The following PPP1R8 variants were observed in gnomAD, a reference collection of about 807,000 sequenced individuals.
The protein encoded by PPP1R8 is protein phosphatase 1 regulatory subunit 8.
Under a neutral mutation model 31.3 loss-of-function variants are expected in PPP1R8, and 4 were observed. That is an observed-to-expected ratio of 0.13 (90% confidence interval 0.06 to 0.29). PPP1R8 has a LOEUF of 0.29. Among genes scored for constraint, PPP1R8 ranks in the 10% least tolerant of loss-of-function variants. The pLI, the probability that PPP1R8 is intolerant of heterozygous loss-of-function variation, is 1.00. For synonymous variants in PPP1R8, 170 were observed against 169.7 expected, an observed-to-expected ratio of 1.00 and a Z score of -0.01; for missense variants, 254 against 440.1, an observed-to-expected ratio of 0.58 and a Z score of 3.78.
chr1:27,841,261 T>C (rs2148617496), intron 4 of PPP1R8, 27 bp downstream of exon 4: 1 of 1,611,294 alleles, frequency 6.2e-7, no homozygotes, highest in East Asian at 2.2e-5. Flanking sequence ...GTCATTGTTT[T>C]GTCTTTGGGG....
chr1:27,837,310 A>G (rs1196205127), intron 2 of PPP1R8, among the ~76,000 whole-genome samples: 1 of 151,708 alleles, frequency 6.6e-6, no homozygotes, highest in Non-Finnish European at 1.5e-5. Flanking sequence ...ACACGCCTGT[A>G]GTCCCAGCTA....
At chr1:27,838,633 G>T in intron 2 of PPP1R8, 66 bp from the exon 3 acceptor site, 1 of 1,073,920 alleles carries the variant, frequency 9.3e-7, no homozygotes, top group South Asian at 2.5e-5. Context: ...TTCTCTATTT[G>T]GGAGAGTTTT....
In PPP1R8 at chr1:27,843,384, C is replaced by T. The variant is rs190839450; in HGVS notation, c.637+54C>T. 1.7e-5 allele frequency: 27 copies of T among 1,606,222 alleles called. No individual in the cohort carries two copies. The Admixed American group carries it at 2.8e-4, about 17-fold the overall frequency. On this transcript the variant is annotated intron_variant, in intron 5 of 6. Coordinates refer to ENST00000311772, the MANE Select transcript of PPP1R8 (RefSeq NM_014110.5). ...GAAAAAGCTGTGGTTGGCCCGGGCGCGGTGGCTCACGCCTGTAGTCCTAGC... is the reference window on the plus strand; with the variant it reads ...GAAAAAGCTGTGGTTGGCCCGGGCGTGGTGGCTCACGCCTGTAGTCCTAGC...
At chr1:27,840,215 G>A (rs1204225341) in intron 3 of PPP1R8, among the ~76,000 whole-genome samples, 2 of 152,060 alleles carry the variant, frequency 1.3e-5, no homozygotes, top group South Asian at 2.1e-4. Context: ...CATTTTGCCC[G>A]TGTGTGAATA....
At chr1:27,848,254 A>G (rs899226220) in intron 6 of PPP1R8, among the ~76,000 whole-genome samples, 13 of 152,112 alleles carry the variant, frequency 8.5e-5, no homozygotes, top group Non-Finnish European at 1.0e-4. Context: ...TACAAAAAAA[A>G]ATTAGTTGGG....
chr1:27,836,248 C>A (rs1314221905), intron 2 of PPP1R8, among the ~76,000 whole-genome samples: 3 of 152,196 alleles, frequency 2.0e-5, no homozygotes, highest in Non-Finnish European at 2.9e-5. Flanking sequence ...CAAGTGCTCC[C>A]ACTGGATTAC....
At chr1:27,845,186 C>T (rs141780397) in intron 5 of PPP1R8, among the ~76,000 whole-genome samples, 6,607 of 147,692 alleles carry the variant, frequency 0.045, 528 homozygotes, top group African/African-American at 0.16. Context: ...ATCAGGAGAT[C>T]AAGACCATGC....
intron 6 of PPP1R8, among the ~76,000 whole-genome samples, chr1:27,848,812 CTTGTCA>C (rs1479953566): frequency 2.0e-5 from 3 of 152,056 alleles, no homozygotes; most frequent in Admixed American, 6.6e-5. Context: ...GGAATGTTTT[CTTGTCA>C]TTAAAGTACA....
intron 5 of PPP1R8, among the ~76,000 whole-genome samples, chr1:27,845,664 T>C (rs768374373): frequency 2.6e-5 from 4 of 151,974 alleles, no homozygotes; most frequent in Non-Finnish European, 5.9e-5. Context: ...GATCCTAATA[T>C]GTGAAAAAAT....
chr1:27,844,573 G>C (rs1322052644), intron 5 of PPP1R8, among the ~76,000 whole-genome samples: 1 of 151,720 alleles, frequency 6.6e-6, no homozygotes, highest in Non-Finnish European at 1.5e-5. Context: ...CAGGTGATCT[G>C]CCCTCAACCT....
intron 2 of PPP1R8, among the ~76,000 whole-genome samples, chr1:27,836,072 T>C (rs1264311069): frequency 6.6e-6 from 1 of 152,272 alleles, no homozygotes; most frequent in Admixed American, 6.5e-5. Context: ...GAATGAAATA[T>C]AAGCTTCTTG....
Position 27,838,791 on chromosome 1 carries a change from C to G in PPP1R8, c.210C>G (p.Val70=), listed in dbSNP as rs755506025. 1 of 1,612,730 alleles carries G rather than the reference C, an allele frequency of 6.2e-7. No homozygotes were observed. The highest frequency in any genetic ancestry group is 8.5e-7 in the Non-Finnish European group (1 of 1,179,414). ...FTIDHQSCSR[V]HAALVYHKHL... is the part of the protein sequence containing the mutation. ...TTGACCACCAGTCTTGCTCTCGGGTCCATGCTGCACTTGTCTACCACAAGC... is the reference window on the plus strand; with the variant it reads ...TTGACCACCAGTCTTGCTCTCGGGTGCATGCTGCACTTGTCTACCACAAGC... The change falls in exon 3 of 7, where the codon GTC becomes GTG. Residue 70 remains valine (V), a synonymous_variant. Transcript: ENST00000311772.
chr1:27,847,468 T>C (rs555785124), intron 6 of PPP1R8, among the ~76,000 whole-genome samples: 11 of 148,852 alleles, frequency 7.4e-5, no homozygotes, highest in African/African-American at 2.7e-4. Flanking sequence ...GGTCGCACCA[T>C]TGCACTCCAG....
Position 27,849,963 on chromosome 1 carries a change from A to G in PPP1R8, c.703-130A>G. 3.9e-6 allele frequency: 3 copies of G among 771,732 alleles called. No homozygotes were observed. The South Asian group carries it at 7.0e-5, about 18-fold the overall frequency. 47.8% of individuals were successfully genotyped at this position (771,732 alleles called of 1,614,324 possible). Reference sequence around the variant, plus strand: ...AAATAGGTTGTCTGGAAAGGAGAACAGGCTAGAAGTTAGGAATCTTTCCCA... The same window carrying G: ...AAATAGGTTGTCTGGAAAGGAGAACGGGCTAGAAGTTAGGAATCTTTCCCA... On this transcript the variant is annotated intron_variant, in intron 6 of 6. Coordinates refer to ENST00000311772, the MANE Select transcript of PPP1R8 (RefSeq NM_014110.5).
At chr1:27,834,169 TTAATGA>T (rs2148614347) in intron 2 of PPP1R8, among the ~76,000 whole-genome samples, 1 of 152,356 alleles carries the variant, frequency 6.6e-6, no homozygotes, top group East Asian at 1.9e-4. Context: ...TTGCCTAGTC[TTAATGA>T]TAACATCACA....
chr1:27,850,366 G>C lies in PPP1R8; in HGVS notation c.976G>C (p.Ala326Pro). 1.2e-6 allele frequency: 2 copies of C among 1,614,028 alleles called. No homozygotes were observed. The highest frequency in any genetic ancestry group is 1.7e-6 in the Non-Finnish European group (2 of 1,180,000). ...APNPAVYNPE[A>P]VNEPKKKKYA... ...AAACCCTGCAGTCTATAACCCTGAA[G>C]CTGTAAATGAACCCAAGAAGAAGAA... Residue 326 changes from alanine (A) to proline (P), a missense_variant, in exon 7 of 7, where the codon GCT becomes CCT. Around this residue, in one of 6 missense-constraint regions of PPP1R8, gnomAD observed 105 missense variants for 128.0 expected, o/e 0.82. Coordinates refer to ENST00000311772, the MANE Select transcript of PPP1R8 (RefSeq NM_014110.5).
At chr1:27,845,763 TTTTCTTTC>T (rs763071481) in intron 5 of PPP1R8, among the ~76,000 whole-genome samples, 2 of 142,930 alleles carry the variant, frequency 1.4e-5, no homozygotes, top group Non-Finnish European at 3.0e-5. Context: ...TTCTGGGAGT[TTTTCTTTC>T]TTTCTTTCTT....
At position 27,843,302 on chromosome 1, in the gene PPP1R8, C is replaced by T; in HGVS notation, c.609C>T (p.Phe203=). 6.2e-7 allele frequency: 1 copy of T among 1,614,186 alleles called. No individual in the cohort carries two copies. The highest frequency in any genetic ancestry group is 8.5e-7 in the Non-Finnish European group (1 of 1,180,020). ...KRKRKNSRVT[F]SEDDEIINPE... ...AGAGGAAGAACTCACGGGTGACATT[C>T]AGTGAGGATGATGAGATCATCAACC... The change falls in exon 5 of 7, where the codon TTC becomes TTT. Residue 203 remains phenylalanine, a synonymous_variant. Transcript: ENST00000311772.
At chr1:27,832,613 A>G (rs927437556) in intron 1 of PPP1R8, 143 bp from the exon 2 acceptor site, 7 of 611,728 alleles carry the variant, frequency 1.1e-5, no homozygotes, top group Admixed American at 7.1e-5. Flanking sequence ...GAGCTGTAAT[A>G]ACAGTGAAGT....
Sources: gnomAD v4.1 joint callset for allele counts (sites outside exome capture counted in the v4.1 genomes callset) on GRCh38, gnomAD v4.1.1 for gene constraint, gnomAD v4.1.1 regional missense constraint, MANE v1.5 for transcripts, NCBI Gene and HGNC (gene_info 2026-07-23, HGNC 2026-07-21) for gene names.